The following SOX5 variants were observed in gnomAD, a reference collection of about 807,000 sequenced individuals.
The protein encoded by SOX5 is transcription factor SOX-5.
A neutral mutation model predicts 92.0 loss-of-function variants in SOX5; 9 were observed. That is an observed-to-expected ratio of 0.10 (90% CI 0.06 to 0.17). The LOEUF (loss-of-function observed/expected upper bound fraction) is 0.17, where lower values mean the gene tolerates loss of function less well. SOX5 is among the 10% of genes least tolerant of loss of function. The pLI is 1.00. For missense variants in SOX5, 642 were observed against 944.5 expected (o/e 0.68, Z 4.20); for synonymous variants, 344 against 336.3 (o/e 1.02, Z -0.25).
intron 2 of SOX5, among the ~76,000 whole-genome samples, chr12:24,297,827 T>C (rs1367311135): frequency 1.3e-5 from 2 of 152,120 alleles, no homozygotes; most frequent in Non-Finnish European, 2.9e-5. Context: ...TGGGCAGGAG[T>C]AACGATGTTT....
At chr12:24,487,407 C>T (rs565137624) in intron 1 of SOX5, among the ~76,000 whole-genome samples, 60 of 152,212 alleles carry the variant, frequency 3.9e-4, no homozygotes, top group African/African-American at 1.3e-3. Context: ...TTCTAAATAT[C>T]ATCAATGCTT....
chr12:23,750,859 C>T (rs2094158130), intron 4 of SOX5, among the ~76,000 whole-genome samples: 2 of 151,800 alleles, frequency 1.3e-5, no homozygotes, highest in Admixed American at 1.3e-4. Flanking sequence ...GTGACCTATC[C>T]TTTTCTTCTG....
At chr12:24,502,636 G>A (rs1422811745) in intron 1 of SOX5, among the ~76,000 whole-genome samples, 1 of 152,034 alleles carries the variant, frequency 6.6e-6, no homozygotes, top group Non-Finnish European at 1.5e-5. Context: ...ATCTACCAAC[G>A]GGTGCTAAAA....
At chr12:23,732,822 G>C (rs2093440681) in intron 6 of SOX5, among the ~76,000 whole-genome samples, 1 of 152,072 alleles carries the variant, frequency 6.6e-6, no homozygotes, top group Non-Finnish European at 1.5e-5. Context: ...GTGTGGTCTT[G>C]GGCATGTTGT....
chr12:24,216,051 C>A (rs1325476882), intron 3 of SOX5, among the ~76,000 whole-genome samples: 1 of 152,198 alleles, frequency 6.6e-6, no homozygotes, highest in East Asian at 1.9e-4. Flanking sequence ...AAAATCTGGT[C>A]TTTGTCCCTG....
chr12:23,946,329 A>C (rs79996433), intron 1 of SOX5, among the ~76,000 whole-genome samples: 1,551 of 152,160 alleles, frequency 0.01, 21 homozygotes, highest in African/African-American at 0.035. Flanking sequence ...ATCGTCTTAC[A>C]CTTGCTATTT....
At chr12:23,685,705 C>T (rs1306195292) in intron 6 of SOX5, among the ~76,000 whole-genome samples, 1 of 151,656 alleles carries the variant, frequency 6.6e-6, no homozygotes, top group African/African-American at 2.4e-5. Flanking sequence ...CCACAATGAC[C>T]TGGTTCTCCT....
chr12:24,103,366 T>C (rs76189146), intron 4 of SOX5, among the ~76,000 whole-genome samples: 1 of 140,668 alleles, frequency 7.1e-6, no homozygotes, highest in Non-Finnish European at 1.6e-5. Flanking sequence ...TTTTTTTTTT[T>C]CTTCTAAGAG....
chr12:23,617,925 T>C (rs1292212386), intron 8 of SOX5, among the ~76,000 whole-genome samples: 2 of 152,196 alleles, frequency 1.3e-5, no homozygotes, highest in Non-Finnish European at 2.9e-5. Context: ...CCATAAGCCA[T>C]CTTCGTGTAC....
intron 4 of SOX5, among the ~76,000 whole-genome samples, chr12:24,000,936 T>C (rs1334317760): frequency 6.6e-6 from 1 of 152,178 alleles, no homozygotes; most frequent in Non-Finnish European, 1.5e-5. Context: ...ATCAAACATT[T>C]GACCTAACTA....
chr12:24,323,486 A>T (rs2140921557), intron 2 of SOX5, among the ~76,000 whole-genome samples: 1 of 151,856 alleles, frequency 6.6e-6, no homozygotes, highest in South Asian at 2.1e-4. Flanking sequence ...TTAATGTCAA[A>T]CAAAAAAAGC....
intron 4 of SOX5, among the ~76,000 whole-genome samples, chr12:24,156,216 C>G (rs2138908162): frequency 6.6e-6 from 1 of 152,258 alleles, no homozygotes; most frequent in Non-Finnish European, 1.5e-5. Flanking sequence ...GCCCAGTGCC[C>G]TTGCCTGAGA....
At chr12:24,440,815 A>G (rs1379203794) in intron 1 of SOX5, among the ~76,000 whole-genome samples, 2 of 152,196 alleles carry the variant, frequency 1.3e-5, no homozygotes, top group Non-Finnish European at 2.9e-5. Context: ...AGACAATCCT[A>G]AACAGATGGT....
chr12:23,589,419 T>C (rs999315990), intron 9 of SOX5, among the ~76,000 whole-genome samples: 14 of 151,892 alleles, frequency 9.2e-5, no homozygotes, highest in African/African-American at 3.1e-4. Context: ...CTCATGGAGG[T>C]AATGCATAAA....
intron 9 of SOX5, among the ~76,000 whole-genome samples, chr12:23,585,803 A>C (rs1255905848): frequency 6.6e-6 from 1 of 152,180 alleles, no homozygotes; most frequent in African/African-American, 2.4e-5. Context: ...GCCGGCAGCT[A>C]TGTCAGAAGC....
At chr12:23,581,729 G>C (rs1257928151) in intron 9 of SOX5, among the ~76,000 whole-genome samples, 1 of 152,054 alleles carries the variant, frequency 6.6e-6, no homozygotes, top group African/African-American at 2.4e-5. Flanking sequence ...CAGTAATAAA[G>C]AAAAGAAGTC....
At chr12:23,991,794 T>C (rs11047192) in intron 4 of SOX5, among the ~76,000 whole-genome samples, 7,982 of 151,560 alleles carry the variant, frequency 0.053, 647 homozygotes, top group East Asian at 0.39. Flanking sequence ...GTACGAGTAC[T>C]GAAAAGAACA....
At chr12:23,891,594 G>A (rs934076069) in intron 2 of SOX5, among the ~76,000 whole-genome samples, 4 of 111,174 alleles carry the variant, frequency 3.6e-5, no homozygotes, top group Non-Finnish European at 7.6e-5. Context: ...AATACACAAT[G>A]AAAAGCTGCC....
At chr12:24,384,666 A>C (rs1958188887) in intron 1 of SOX5, among the ~76,000 whole-genome samples, 1 of 152,198 alleles carries the variant, frequency 6.6e-6, no homozygotes. Context: ...GAAACAGCAA[A>C]AGTTATGGCT....
Sources: allele counts gnomAD v4.1 joint callset (sites outside exome capture counted in the v4.1 genomes callset), GRCh38; gene constraint gnomAD v4.1.1; transcripts MANE v1.5; gene names NCBI Gene and HGNC (gene_info 2026-07-23, HGNC 2026-07-21).